Variants in SMC1A observed in about 807,000 individuals in gnomAD.
SMC1A encodes the protein structural maintenance of chromosomes protein 1A.
A neutral mutation model predicts 94.5 loss-of-function variants in SMC1A; 4 were observed. That is an observed-to-expected ratio of 0.04 (90% CI 0.02 to 0.10). SMC1A has a LOEUF of 0.10. SMC1A is among the 10% of genes least tolerant of loss of function. The pLI is 1.00. For missense variants in SMC1A, 304 were observed against 989.0 expected, an observed-to-expected ratio of 0.31 and a Z score of 9.29; for synonymous variants, 345 against 347.7, an observed-to-expected ratio of 0.99 and a Z score of 0.09.
chrX:53,383,544 C>T (rs1001178868), intron 19 of SMC1A, among the ~76,000 whole-genome samples: 1 of 112,384 alleles, frequency 8.9e-6, no homozygotes, highest in African/African-American at 3.2e-5. Flanking sequence ...GCTGGTGGTG[C>T]CCCTCTCTGG....
chrX:53,413,839 G>A (rs1193265409), intron 3 of SMC1A, among the ~76,000 whole-genome samples: 1 of 111,300 alleles, frequency 9.0e-6, no homozygotes, highest in African/African-American at 3.3e-5. Flanking sequence ...CACTTTGGGA[G>A]GCTGAGGCAG....
intron 18 of SMC1A, 113 bp from the exon 19 acceptor site, chrX:53,395,001 A>G (rs782001506): frequency 4.2e-4 from 221 of 525,643 alleles, no homozygotes; most frequent in Non-Finnish European, 7.1e-4. Flanking sequence ...AGAAAGCACC[A>G]TGGCAGAAGG....
intron 19 of SMC1A, among the ~76,000 whole-genome samples, chrX:53,385,461 A>G (rs2075601203): frequency 9.3e-6 from 1 of 107,803 alleles, no homozygotes; most frequent in Non-Finnish European, 1.9e-5. Context: ...TTTTTAGTAG[A>G]GACGGGGTTT....
chrX:53,377,167 G>A lies in SMC1A; in HGVS notation c.*2936C>T, dbSNP rs782494133. The A allele has an allele frequency of 2.7e-5, 3 of 111,790 alleles. No individual in the cohort carries two copies. The highest frequency in any genetic ancestry group is 6.5e-5 in the African/African-American group (2 of 30,732). 9.2% of individuals were successfully genotyped at this position (111,790 alleles called of 1,213,427 possible). A position where few individuals can be genotyped will look rare whatever the true frequency, so the allele number is the denominator to read the frequency against. ...CAGGGGGCAAGCACTAAATAGATCCGAGTGGAAGTCTAGGCTCTGCCACTA... is the reference window on the plus strand; with the variant it reads ...CAGGGGGCAAGCACTAAATAGATCCAAGTGGAAGTCTAGGCTCTGCCACTA... On this transcript the variant is annotated 3_prime_UTR_variant, in exon 25 of 25. Coordinates refer to ENST00000322213, the MANE Select transcript of SMC1A (RefSeq NM_006306.4).
At chrX:53,381,366 A>C (rs1556885869) in intron 22 of SMC1A, among the ~76,000 whole-genome samples, 1 of 111,790 alleles carries the variant, frequency 8.9e-6, no homozygotes, top group African/African-American at 3.3e-5. Context: ...AAAGCTGTCC[A>C]AGGTTCTAGT....
intron 1 of SMC1A, among the ~76,000 whole-genome samples, chrX:53,420,084 A>G (rs1283626587): frequency 8.9e-6 from 1 of 112,018 alleles, no homozygotes; most frequent in Non-Finnish European, 1.9e-5. Flanking sequence ...TGTGCGGCAC[A>G]TACTTCTCTA....
chrX:53,410,926 C>CAGAAAAAAAAAAAAAAAA (rs2075709321), intron 7 of SMC1A, among the ~76,000 whole-genome samples: 1 of 28,815 alleles, frequency 3.5e-5, no homozygotes, highest in Non-Finnish European at 5.1e-5. Flanking sequence ...GGCTTTGTCT[C>CAGAAAAAAAAAAAAAAAA]AAAAAAAAAA....
intron 19 of SMC1A, among the ~76,000 whole-genome samples, chrX:53,389,117 G>GTT (rs782693840): frequency 5.9e-5 from 5 of 84,591 alleles, no homozygotes; most frequent in South Asian, 5.9e-4. Context: ...AACCATTTTT[G>GTT]TTTTTTTTTT....
chrX:53,421,752 T>C (rs1602417892), intron 1 of SMC1A: 7 of 618,100 alleles, frequency 1.1e-5, no homozygotes, highest in African/African-American at 2.2e-5. Flanking sequence ...ATGGAGTTGG[T>C]TTATTCTATT....
chrX:53,382,163 T>C, intron 22 of SMC1A, 69 bp downstream of exon 22: 1 of 1,131,853 alleles, frequency 8.8e-7, no homozygotes, highest in South Asian at 1.8e-5. Flanking sequence ...CTGTGTATCC[T>C]TGGGCCCCAG....
intron 1 of SMC1A, chrX:53,421,833 T>A: frequency 9.0e-7 from 1 of 1,106,043 alleles, no homozygotes; most frequent in South Asian, 2.0e-5. Flanking sequence ...ATTTGGTAAA[T>A]TAGTTAATTT....
chrX:53,408,528 T>C (rs1279372596), intron 9 of SMC1A, among the ~76,000 whole-genome samples: 1 of 111,517 alleles, frequency 9.0e-6, no homozygotes, highest in Non-Finnish European at 1.9e-5. Flanking sequence ...AGGTATGGGA[T>C]AATATTCAGG....
At chrX:53,390,873 T>G (rs1451349824) in intron 19 of SMC1A, among the ~76,000 whole-genome samples, 2 of 98,621 alleles carry the variant, frequency 2.0e-5, no homozygotes, top group African/African-American at 7.7e-5. Context: ...GTGCCTGTAG[T>G]CCCAGCTACT....
chrX:53,408,840 T>TAAA (rs1295569888), intron 9 of SMC1A, among the ~76,000 whole-genome samples: 76 of 67,033 alleles, frequency 1.1e-3, no homozygotes, highest in Admixed American at 2.3e-3. Context: ...GGTTGAAAAA[T>TAAA]AAAAAAAAAA....
chrX:53,409,899 C>G (rs1302321688), intron 7 of SMC1A, among the ~76,000 whole-genome samples: 2 of 112,012 alleles, frequency 1.8e-5, no homozygotes, highest in African/African-American at 6.5e-5. Flanking sequence ...TAATGACTAT[C>G]ACATTATTTT....
chrX:53,399,160 C>T (rs1435131447), intron 16 of SMC1A, among the ~76,000 whole-genome samples: 1 of 111,072 alleles, frequency 9.0e-6, no homozygotes, highest in Non-Finnish European at 1.9e-5. Flanking sequence ...ATGGCATGAA[C>T]CCGGGAGGCG....
In SMC1A at chrX:53,414,821, C is replaced by T. The variant is rs1556891050; in HGVS notation, c.348G>A (p.Glu116=). Residue 116 remains glutamate, a synonymous_variant, in exon 3 of 25, where the codon GAG becomes GAA. Transcript: ENST00000322213. ...KINNKVVQLH[E]YSEELEKLGI... ...CCAACTTCTCTAATTCCTCACTGTA[C>T]TCATGTAGTTGGACCACTTTGTTGT... 2.5e-6 allele frequency: 3 copies of T among 1,209,178 alleles called. No homozygotes were observed. The Admixed American group carries it at 6.5e-5, about 26-fold the overall frequency.
intron 19 of SMC1A, among the ~76,000 whole-genome samples, chrX:53,392,503 T>A (rs1556887415): frequency 9.0e-6 from 1 of 111,136 alleles, no homozygotes; most frequent in Non-Finnish European, 1.9e-5. Flanking sequence ...CAGGTTGGAG[T>A]GCAATGGCAC....
intron 9 of SMC1A, among the ~76,000 whole-genome samples, chrX:53,408,795 G>GTA (rs1483897443): frequency 9.7e-6 from 1 of 103,353 alleles, no homozygotes; most frequent in East Asian, 3.0e-4. Flanking sequence ...GACGCAATTG[G>GTA]TATGATGAAA....
Sources: allele counts gnomAD v4.1 joint callset (sites outside exome capture counted in the v4.1 genomes callset), GRCh38; gene constraint gnomAD v4.1.1; transcripts MANE v1.5; gene names NCBI Gene and HGNC (gene_info 2026-07-23, HGNC 2026-07-21).